The following RGS7BP variants were observed in gnomAD, a reference collection of about 807,000 sequenced individuals.
RGS7BP encodes regulator of G protein signaling 7-binding protein.
RGS7BP carries 9 observed loss-of-function variants against 31.3 expected under a neutral mutation model. That is an observed-to-expected ratio of 0.29 (90% CI 0.17 to 0.50). The LOEUF is 0.50. Among genes scored for constraint, RGS7BP ranks in the 20% least tolerant of loss-of-function variants. RGS7BP has a pLI of 0.98. For synonymous variants in RGS7BP, 115 were observed against 120.1 expected, an observed-to-expected ratio of 0.96 and a Z score of 0.28; for missense variants, 274 against 322.0, an observed-to-expected ratio of 0.85 and a Z score of 1.14.
intron 2 of RGS7BP, among the ~76,000 whole-genome samples, chr5:64,520,976 A>G (rs940160813): frequency 1.4e-4 from 21 of 152,234 alleles, no homozygotes; most frequent in African/African-American, 5.1e-4. Flanking sequence ...GACTTAAAAT[A>G]CTGAAATCCC....
chr5:64,551,273 T>A (rs886161860), intron 2 of RGS7BP, among the ~76,000 whole-genome samples: 1 of 150,202 alleles, frequency 6.7e-6, no homozygotes, highest in African/African-American at 2.5e-5. Flanking sequence ...TTTTATTTTT[T>A]TTTTTTTGAG....
intron 2 of RGS7BP, among the ~76,000 whole-genome samples, chr5:64,533,563 T>C (rs2111930362): frequency 1.3e-5 from 2 of 152,258 alleles, no homozygotes; most frequent in Non-Finnish European, 2.9e-5. Context: ...GTGATCCCAA[T>C]GGACAAAAAA....
At chr5:64,507,137 G>C (rs1202931164) in intron 1 of RGS7BP, among the ~76,000 whole-genome samples, 1 of 152,178 alleles carries the variant, frequency 6.6e-6, no homozygotes, top group Non-Finnish European at 1.5e-5. Context: ...GCTTTCTGGG[G>C]ACAGAGTAGC....
chr5:64,544,358 T>C (rs115831758), intron 2 of RGS7BP, among the ~76,000 whole-genome samples: 1 of 152,186 alleles, frequency 6.6e-6, no homozygotes, highest in East Asian at 1.9e-4. Context: ...GAAAGTGATA[T>C]AGATATCTAA....
chr5:64,602,930 G>A (rs1283110380), intron 5 of RGS7BP, among the ~76,000 whole-genome samples: 1 of 152,194 alleles, frequency 6.6e-6, no homozygotes, highest in Admixed American at 6.5e-5. Flanking sequence ...ATAGAAAAAA[G>A]ATAGTCTAGG....
intron 2 of RGS7BP, among the ~76,000 whole-genome samples, chr5:64,553,125 A>T (rs940643472): frequency 6.6e-6 from 1 of 150,916 alleles, no homozygotes; most frequent in African/African-American, 2.4e-5. Context: ...CTTTCAGATG[A>T]CTTAGTGTAA....
At chr5:64,557,132 G>A (rs1741947442) in intron 2 of RGS7BP, among the ~76,000 whole-genome samples, 1 of 152,084 alleles carries the variant, frequency 6.6e-6, no homozygotes, top group South Asian at 2.1e-4. Context: ...AACAAAAACT[G>A]TAATGTAAAA....
chr5:64,541,181 G>T (rs1156254828), intron 2 of RGS7BP, among the ~76,000 whole-genome samples: 2 of 152,160 alleles, frequency 1.3e-5, no homozygotes, highest in Non-Finnish European at 2.9e-5. Flanking sequence ...AGGAGAGCCA[G>T]CATGCCACAT....
chr5:64,527,055 G>A (rs778614417), intron 2 of RGS7BP, among the ~76,000 whole-genome samples: 13 of 152,132 alleles, frequency 8.5e-5, no homozygotes, highest in Non-Finnish European at 1.6e-4. Context: ...AATACCCCAC[G>A]AAAATGGACC....
chr5:64,570,582 G>C (rs1392795822), intron 2 of RGS7BP, among the ~76,000 whole-genome samples: 1 of 152,068 alleles, frequency 6.6e-6, no homozygotes, highest in Non-Finnish European at 1.5e-5. Flanking sequence ...GGTCTCCAAA[G>C]TCTGGCAACC....
rs1238278554 is a variant in RGS7BP, at chr5:64,568,515, C to A, written c.333-7259C>A. Among the ~76,000 whole-genome samples the A allele has an allele frequency of 2.0e-5, 3 of 152,094 alleles. No individual in the cohort carries two copies. The East Asian group carries it at 5.8e-4, about 29-fold the overall frequency. ...TATTAGTTTTCTCCTTGCCAATAAG[C>A]ATGAGTTCTTGGAGTGATACTCCTG... On this transcript the variant is annotated intron_variant, in intron 2 of 5. Transcript: ENST00000334025.
chr5:64,526,306 G>A (rs1749229103), intron 2 of RGS7BP, among the ~76,000 whole-genome samples: 1 of 152,162 alleles, frequency 6.6e-6, no homozygotes, highest in African/African-American at 2.4e-5. Context: ...GGAAAACTGG[G>A]CCAGTTTCAC....
At chr5:64,533,084 A>C (rs1749413335) in intron 2 of RGS7BP, among the ~76,000 whole-genome samples, 1 of 152,132 alleles carries the variant, frequency 6.6e-6, no homozygotes, top group Non-Finnish European at 1.5e-5. Flanking sequence ...CACCCCTGAG[A>C]ACTCTTCCCT....
At chr5:64,531,215 C>G (rs981187168) in intron 2 of RGS7BP, among the ~76,000 whole-genome samples, 16 of 152,188 alleles carry the variant, frequency 1.1e-4, no homozygotes, top group African/African-American at 3.9e-4. Flanking sequence ...GAATGTAAGA[C>G]AACTAAAAAA....
intron 3 of RGS7BP, among the ~76,000 whole-genome samples, chr5:64,586,431 A>G (rs1295299569): frequency 6.6e-6 from 1 of 151,864 alleles, no homozygotes; most frequent in Middle Eastern, 3.2e-3. Context: ...GACCCATCCT[A>G]CCTCACCCTA....
chr5:64,548,436 A>G (rs919693903), intron 2 of RGS7BP, among the ~76,000 whole-genome samples: 1 of 152,216 alleles, frequency 6.6e-6, no homozygotes, highest in Non-Finnish European at 1.5e-5. Flanking sequence ...TCTGTACGCA[A>G]GTTAAATTAC....
chr5:64,592,090 C>T (rs926734755), intron 3 of RGS7BP, among the ~76,000 whole-genome samples: 4 of 152,172 alleles, frequency 2.6e-5, no homozygotes, highest in Admixed American at 6.5e-5. Flanking sequence ...AACATAAAGT[C>T]GGTACTATCG....
chr5:64,568,014 G>C (rs1280842832), intron 2 of RGS7BP, among the ~76,000 whole-genome samples: 2 of 151,922 alleles, frequency 1.3e-5, no homozygotes, highest in Non-Finnish European at 2.9e-5. Flanking sequence ...TTAAAATGTG[G>C]AAACCTGTAT....
chr5:64,590,628 T>C (rs1489321677), intron 3 of RGS7BP, among the ~76,000 whole-genome samples: 1 of 152,154 alleles, frequency 6.6e-6, no homozygotes, highest in Non-Finnish European at 1.5e-5. Flanking sequence ...AAAGTCAAAG[T>C]CTTACATGAT....
Sources: gnomAD v4.1 joint callset for allele counts (sites outside exome capture counted in the v4.1 genomes callset) on GRCh38, gnomAD v4.1.1 for gene constraint, MANE v1.5 for transcripts, NCBI Gene and HGNC (gene_info 2026-07-23, HGNC 2026-07-21) for gene names.